Variants in GPM6A observed in about 807,000 individuals in gnomAD.
GPM6A encodes glycoprotein M6A, also known as neuronal membrane glycoprotein M6-a.
GPM6A carries 7 observed loss-of-function variants against 32.1 expected under a neutral mutation model. That is an observed-to-expected ratio of 0.22 (90% CI 0.12 to 0.41). The LOEUF is 0.41. GPM6A is among the 10% of genes least tolerant of loss of function. The probability of loss-of-function intolerance (pLI) is 1.00; values close to 1 mark genes in which losing one functional copy is unlikely to be tolerated. For missense variants in GPM6A, 235 were observed against 347.2 expected (o/e 0.68, Z 2.57); for synonymous variants, 130 against 123.4 (o/e 1.05, Z -0.35).
intron 1 of GPM6A, among the ~76,000 whole-genome samples, chr4:175,943,387 T>C (rs1166822888): frequency 1.3e-5 from 2 of 152,228 alleles, no homozygotes; most frequent in Non-Finnish European, 2.9e-5. Flanking sequence ...TCTTACCTGA[T>C]TGCCCTGGCC....
At chr4:175,815,862 C>A (rs1457660440), upstream of GPM6A, among the ~76,000 whole-genome samples, 1 of 151,990 alleles carries the variant, frequency 6.6e-6, no homozygotes, top group Admixed American at 6.6e-5. Context: ...GGATTACAGG[C>A]ATGTGTCACC....
At chr4:175,876,889 C>A (rs778701506) in intron 1 of GPM6A, among the ~76,000 whole-genome samples, 5 of 152,084 alleles carry the variant, frequency 3.3e-5, no homozygotes, top group Non-Finnish European at 5.9e-5. Flanking sequence ...CCAGAAACAA[C>A]AAGATTATAG....
intron 1 of GPM6A, among the ~76,000 whole-genome samples, chr4:175,978,109 G>A (rs1740714306): frequency 6.6e-6 from 1 of 152,104 alleles, no homozygotes; most frequent in South Asian, 2.1e-4. Context: ...TTTTCACCCT[G>A]CTATAAAGAT....
intron 1 of GPM6A, among the ~76,000 whole-genome samples, chr4:175,963,542 G>GA (rs1425827505): frequency 6.6e-6 from 1 of 151,924 alleles, no homozygotes; most frequent in African/African-American, 2.4e-5. Flanking sequence ...CACCCACCTA[G>GA]AAAAAATTGT....
chr4:175,989,191 T>A (rs1309211607), intron 1 of GPM6A, among the ~76,000 whole-genome samples: 2 of 152,174 alleles, frequency 1.3e-5, no homozygotes, highest in Admixed American at 6.5e-5. Context: ...TTAAAAAAAA[T>A]TACTATTCAG....
chr4:175,753,493 C>T (rs1004966848), intron 1 of GPM6A, among the ~76,000 whole-genome samples: 4 of 152,096 alleles, frequency 2.6e-5, no homozygotes, highest in Non-Finnish European at 5.9e-5. Flanking sequence ...AGGAATCCAA[C>T]AAGTAAACAG....
chr4:175,671,461 C>T (rs1024463255), intron 3 of GPM6A, among the ~76,000 whole-genome samples: 1 of 37,622 alleles, frequency 2.7e-5, no homozygotes, highest in African/African-American at 1.1e-4. Flanking sequence ...CCGTAAGATA[C>T]AATCTGCCTA....
chr4:175,651,993 A>G lies in GPM6A; in HGVS notation c.388-6T>C. 1 of 1,598,718 alleles carries G rather than the reference A, an allele frequency of 6.3e-7. No homozygotes were observed. Among genetic ancestry groups the G allele is most frequent in the Non-Finnish European group, 8.5e-7 (1 of 1,174,150 alleles). ...AGATATGTCAGCATAATGAACTGCA[A>G]AAGAGAAAGAAATGGAGAGAGAAAA... On this transcript the variant is annotated splice_region_variant and splice_polypyrimidine_tract_variant and intron_variant, in intron 3 of 6. Transcript: ENST00000393658.
At chr4:175,929,704 T>C (rs1017754601) in intron 1 of GPM6A, among the ~76,000 whole-genome samples, 3 of 152,196 alleles carry the variant, frequency 2.0e-5, no homozygotes, top group African/African-American at 7.2e-5. Flanking sequence ...GCTTTGGGCA[T>C]ATTAGTTAAT....
chr4:175,678,047 G>A (rs751099115), intron 2 of GPM6A, among the ~76,000 whole-genome samples: 9 of 152,024 alleles, frequency 5.9e-5, no homozygotes, highest in East Asian at 5.8e-4. Context: ...CAGCGTATAC[G>A]TCTTGAGTTC....
intron 1 of GPM6A, among the ~76,000 whole-genome samples, chr4:175,998,839 T>C (rs1741390099): frequency 6.6e-6 from 1 of 152,164 alleles, no homozygotes; most frequent in South Asian, 2.1e-4. Flanking sequence ...AATTCTGTTT[T>C]AAACAACATT....
intron 1 of GPM6A, among the ~76,000 whole-genome samples, chr4:175,771,415 T>C (rs1412511379): frequency 6.6e-6 from 1 of 151,546 alleles, no homozygotes; most frequent in Non-Finnish European, 1.5e-5. Flanking sequence ...CTACTAAAAA[T>C]ACAAAAATTA....
At chr4:175,792,352 G>C (rs1495715) in intron 1 of GPM6A, among the ~76,000 whole-genome samples, 151,335 of 152,256 alleles carry the variant, frequency 0.99, 75,217 homozygotes, top group Middle Eastern at 1. Context: ...AAGTTTTACA[G>C]TGGATATTTG....
intron 1 of GPM6A, among the ~76,000 whole-genome samples, chr4:175,871,955 C>T: frequency 6.6e-6 from 1 of 152,244 alleles, no homozygotes; most frequent in East Asian, 1.9e-4. Flanking sequence ...CTGACATATG[C>T]ATTCCAGAGA....
chr4:175,700,424 T>C (rs1468343404), intron 2 of GPM6A, among the ~76,000 whole-genome samples: 2 of 152,080 alleles, frequency 1.3e-5, no homozygotes, highest in Non-Finnish European at 2.9e-5. Flanking sequence ...TGACCAAGTG[T>C]TTTTTCAGAG....
intron 1 of GPM6A, among the ~76,000 whole-genome samples, chr4:175,914,603 G>A (rs1436396658): frequency 6.6e-6 from 1 of 152,174 alleles, no homozygotes; most frequent in Non-Finnish European, 1.5e-5. Context: ...AATTACAGGC[G>A]TGAGCCACCG....
chr4:175,951,159 C>A (rs1451107947), intron 1 of GPM6A, among the ~76,000 whole-genome samples: 5 of 152,100 alleles, frequency 3.3e-5, no homozygotes, highest in Non-Finnish European at 7.3e-5. Flanking sequence ...TATCATCCTG[C>A]CTACTGAACT....
chr4:175,809,390 T>C (rs1227441219), intron 1 of GPM6A, among the ~76,000 whole-genome samples: 2 of 152,038 alleles, frequency 1.3e-5, no homozygotes, highest in Non-Finnish European at 2.9e-5. Flanking sequence ...TTTCCTTTTT[T>C]TTTTTCTATA....
intron 4 of GPM6A, chr4:175,641,134 A>C: frequency 3.0e-6 from 1 of 334,574 alleles, no homozygotes; most frequent in South Asian, 3.7e-5. Context: ...TTAATGTGAT[A>C]GTATAGGCAT....
Sources: allele counts gnomAD v4.1 joint callset (sites outside exome capture counted in the v4.1 genomes callset), GRCh38; gene constraint gnomAD v4.1.1; transcripts MANE v1.5; gene names NCBI Gene and HGNC (gene_info 2026-07-23, HGNC 2026-07-21).